CWC25: variants seen among roughly 807,000 people sequenced by gnomAD.
CWC25 encodes the protein CWC25 spliceosome associated protein.
A neutral mutation model predicts 54.6 loss-of-function variants in CWC25; 31 were observed. The observed-to-expected ratio is 0.57, with a 90% CI of 0.43 to 0.77. The LOEUF (loss-of-function observed/expected upper bound fraction) is 0.77, where lower values mean the gene tolerates loss of function less well. CWC25 is among the 30% of genes least tolerant of loss of function. The pLI is 0.00. For synonymous variants in CWC25, 151 were observed against 187.0 expected (o/e 0.81, Z 1.57); for missense variants, 453 against 529.3 (o/e 0.86, Z 1.41).
intron 8 of CWC25, among the ~76,000 whole-genome samples, chr17:38,803,995 T>C (rs2143541799): frequency 6.6e-6 from 1 of 150,930 alleles, no homozygotes; most frequent in South Asian, 2.1e-4. Context: ...CAGTAAGCCA[T>C]GATCGCCCCA....
At chr17:38,804,799 CAAAAAAA>C (rs4042818) in intron 8 of CWC25, among the ~76,000 whole-genome samples, 1 of 64,766 alleles carries the variant, frequency 1.5e-5, no homozygotes, top group African/African-American at 4.9e-5. Context: ...CAGAGCGAGA[CAAAAAAA>C]AAAAAAAAAA....
At chr17:38,823,469 TAA>T (rs1220000846) in intron 1 of CWC25, among the ~76,000 whole-genome samples, 6 of 139,778 alleles carry the variant, frequency 4.3e-5, no homozygotes, top group Admixed American at 7.2e-5. Flanking sequence ...GACTCCATCT[TAA>T]AAAAAAAAAA....
intron 8 of CWC25, among the ~76,000 whole-genome samples, chr17:38,803,497 G>C (rs1317033668): frequency 6.6e-6 from 1 of 152,108 alleles, no homozygotes; most frequent in African/African-American, 2.4e-5. Context: ...GGGTGTGGTG[G>C]TGTGTGCCTG....
intron 1 of CWC25, among the ~76,000 whole-genome samples, chr17:38,823,363 T>C (rs1912008740): frequency 6.6e-6 from 1 of 151,186 alleles, no homozygotes; most frequent in Non-Finnish European, 1.5e-5. Flanking sequence ...TTTCACCATC[T>C]TGGCCAAGCT....
chr17:38,823,994 G>A (rs1427186642), intron 1 of CWC25, among the ~76,000 whole-genome samples: 1 of 152,088 alleles, frequency 6.6e-6, no homozygotes, highest in Non-Finnish European at 1.5e-5. Context: ...GAGAAACCCT[G>A]GATTAGAGCT....
chr17:38,804,217 A>G (rs9896804), intron 8 of CWC25, among the ~76,000 whole-genome samples: 1 of 152,110 alleles, frequency 6.6e-6, no homozygotes, highest in African/African-American at 2.4e-5. Flanking sequence ...GTATCAGTAA[A>G]CAATATTTAT....
chr17:38,823,502 G>A (rs1912014633), intron 1 of CWC25, among the ~76,000 whole-genome samples: 1 of 151,894 alleles, frequency 6.6e-6, no homozygotes, highest in African/African-American at 2.4e-5. Context: ...ATGGACTGGA[G>A]AGGACCAGGA....
Position 38,801,775 on chromosome 17 carries a change from G to C in CWC25, c.*317C>G, listed in dbSNP as rs1473145373. 1 of 236,374 alleles carries C rather than the reference G, an allele frequency of 4.2e-6. No homozygotes were observed. The highest frequency in any genetic ancestry group is 2.2e-5 in the African/African-American group (1 of 44,498). 14.6% of individuals were successfully genotyped at this position (236,374 alleles called of 1,614,324 possible). A position where few individuals can be genotyped will look rare whatever the true frequency, so the allele number is the denominator to read the frequency against. On this transcript the variant is annotated 3_prime_UTR_variant, in exon 10 of 10. Transcript: ENST00000614790. ...GCAGTGAAATAGGTCTGTTGGCACA[G>C]GTAAGAAGGAAGTGGCATGATAAAC...
intron 6 of CWC25, 35 bp from the exon 7 acceptor site, chr17:38,807,011 G>T: frequency 6.4e-7 from 1 of 1,560,342 alleles, no homozygotes; most frequent in Non-Finnish European, 8.8e-7. Context: ...TTATTCACAT[G>T]GAAAATCCAG....
At chr17:38,816,383 C>T (rs1203277127) in intron 2 of CWC25, among the ~76,000 whole-genome samples, 2 of 151,756 alleles carry the variant, frequency 1.3e-5, no homozygotes, top group Non-Finnish European at 2.9e-5. Flanking sequence ...GTAGCTGGGA[C>T]TACAGGGATG....
chr17:38,825,211 G>T lies in CWC25; in HGVS notation c.-28C>A. On this transcript the variant is annotated 5_prime_UTR_variant, in exon 1 of 10. Transcript: ENST00000614790. ...CGGTGGAGACGATTCCTCACTACGC[G>T]GATCTGGAAGATTTCGGGAGGATCA... 2 of 1,584,968 alleles carry T rather than the reference G, an allele frequency of 1.3e-6. No individual in the cohort carries two copies. Among genetic ancestry groups the T allele is most frequent in the Non-Finnish European group, 1.7e-6 (2 of 1,166,566 alleles).
Position 38,820,943 on chromosome 17 carries a change from C to T in CWC25, c.149G>A (p.Arg50Gln), listed in dbSNP as rs1217513461. 5 of 1,613,820 alleles carry T rather than the reference C, an allele frequency of 3.1e-6. No homozygotes were observed. The highest frequency in any genetic ancestry group is 1.7e-5 in the Admixed American group (1 of 59,944). Reference sequence around the variant, plus strand: ...CTCCGCATAGCGCTGCATCTCTTCCCGGGCTCTCTCTTCTCGCAGCTCCCG... The same window carrying T: ...CTCCGCATAGCGCTGCATCTCTTCCTGGGCTCTCTCTTCTCGCAGCTCCCG... ...LQRELREERA[R>Q]EEMQRYAEDV... Residue 50 changes from arginine (R) to glutamine (Q), a missense_variant, in exon 2 of 10, where the codon CGG becomes CAG. Coordinates refer to ENST00000614790, the MANE Select transcript of CWC25 (RefSeq NM_017748.5).
rs1281257748 is a variant in CWC25 at position 38,806,385 on chromosome 17, T to C, written c.913A>G (p.Lys305Glu). 6.2e-7 allele frequency: 1 copy of C among 1,613,510 alleles called. No individual in the cohort carries two copies. Among genetic ancestry groups the C allele is most frequent in the Non-Finnish European group, 8.5e-7 (1 of 1,179,716 alleles). The change falls in exon 8 of 10, where the codon AAG becomes GAG. Residue 305 changes from lysine to glutamate, a missense_variant. By Grantham distance (56) the Lys-to-Glu change is moderately conservative. Coordinates refer to ENST00000614790, the MANE Select transcript of CWC25 (RefSeq NM_017748.5). Reference protein sequence around the residue: ...SPRPSKLHNSKVNRRETGQTR... With the variant: ...SPRPSKLHNSEVNRRETGQTR... Reference sequence around the variant, plus strand: ...TGGCCTGTCTCTCTCCTGTTCACCTTAGAGTTGTGCCTGTAGCAGACACAG... The same window carrying C: ...TGGCCTGTCTCTCTCCTGTTCACCTCAGAGTTGTGCCTGTAGCAGACACAG...
intron 7 of CWC25, 131 bp downstream of exon 7, chr17:38,806,634 T>G (rs1911252783): frequency 1.1e-6 from 1 of 881,018 alleles, no homozygotes; most frequent in African/African-American, 1.7e-5. Context: ...AAAAAAATGA[T>G]GTAAAGGAAA....
At chr17:38,823,910 GA>G (rs1266607154) in intron 1 of CWC25, among the ~76,000 whole-genome samples, 1 of 152,066 alleles carries the variant, frequency 6.6e-6, no homozygotes, top group Non-Finnish European at 1.5e-5. Flanking sequence ...CAATGCACAG[GA>G]CAGCCCAACT....
intron 6 of CWC25, among the ~76,000 whole-genome samples, chr17:38,809,253 C>T (rs113229707): frequency 6.6e-6 from 1 of 151,660 alleles, no homozygotes; most frequent in African/African-American, 2.4e-5. Flanking sequence ...CATGACGAAA[C>T]CCTGTCTCTA....
chr17:38,811,123 C>T (rs1446516355), intron 4 of CWC25, among the ~76,000 whole-genome samples: 1 of 150,812 alleles, frequency 6.6e-6, no homozygotes, highest in African/African-American at 2.4e-5. Flanking sequence ...TCTAGCTACT[C>T]GGGAGGCTGA....
rs774352774 is a variant in CWC25 at position 38,810,450 on chromosome 17, C to T, written c.626+18G>A. The stretch of plus-strand genomic sequence containing the variant: ...CAAGTGAATCAACGAGAAGGGAGGC[C>T]AGTCGCCACATGCTCACCTCCCTGC... On this transcript the variant is annotated intron_variant, in intron 5 of 9. Transcript: ENST00000614790. 2.0e-6 allele frequency: 3 copies of T among 1,529,864 alleles called. No homozygotes were observed. Among genetic ancestry groups the T allele is most frequent in the South Asian group, 2.6e-5 (2 of 76,736 alleles). 94.8% of individuals were successfully genotyped at this position (1,529,864 alleles called of 1,614,324 possible).
chr17:38,814,863 G>A lies in CWC25; in HGVS notation c.426C>T (p.Ile142=). The A allele has an allele frequency of 6.2e-7, 1 of 1,611,214 alleles. No homozygotes were observed. Among genetic ancestry groups the A allele is most frequent in the South Asian group, 1.1e-5 (1 of 90,934 alleles). Residue 142 remains isoleucine, a splice_region_variant and synonymous_variant, in exon 3 of 10, where the codon ATC becomes ATT. Coordinates refer to ENST00000614790, the MANE Select transcript of CWC25 (RefSeq NM_017748.5). The part of the protein sequence containing the change: ...SKIREDPLFI[I]RKKEEEKKRE... ...CCTTCCTAGCCCCCCATTAGTACCT[G>A]ATGATGAAGAGTGGGTCCTCCCGGA...
Sources: gnomAD v4.1 joint callset for allele counts (sites outside exome capture counted in the v4.1 genomes callset) on GRCh38, gnomAD v4.1.1 for gene constraint, MANE v1.5 for transcripts, NCBI Gene and HGNC (gene_info 2026-07-23, HGNC 2026-07-21) for gene names.